The following CRTC3 variants were observed in gnomAD, a reference collection of about 807,000 sequenced individuals.
CRTC3 encodes the protein CREB regulated transcription coactivator 3, also known as CREB-regulated transcription coactivator 3.
In CRTC3, 26 loss-of-function variants were observed where a neutral mutation model predicts 74.5. The observed-to-expected ratio is 0.35, with a 90% CI of 0.26 to 0.48. The LOEUF is 0.48. Ranked by LOEUF, CRTC3 falls within the 20% of genes least tolerant of loss-of-function variation. CRTC3 has a pLI of 0.99. For synonymous variants in CRTC3, 377 were observed against 325.8 expected (o/e 1.16, Z -1.69); for missense variants, 760 against 787.3 (o/e 0.97, Z 0.41).
At chr15:90,567,958 A>G (rs1967165021) in intron 2 of CRTC3, among the ~76,000 whole-genome samples, 1 of 152,240 alleles carries the variant, frequency 6.6e-6, no homozygotes, top group South Asian at 2.1e-4. Context: ...CCTTCTGGAA[A>G]GGGTTCACTC....
chr15:90,563,697 G>C (rs1384945750), intron 2 of CRTC3, among the ~76,000 whole-genome samples: 1 of 152,064 alleles, frequency 6.6e-6, no homozygotes, highest in South Asian at 2.1e-4. Context: ...TTAGCCAACC[G>C]AGAGCAAGAA....
chr15:90,546,713 C>A (rs7494813), intron 2 of CRTC3, among the ~76,000 whole-genome samples: 18 of 152,112 alleles, frequency 1.2e-4, no homozygotes, highest in Non-Finnish European at 2.1e-4. Context: ...AGCTCTGCCC[C>A]CTGGGTTCAT....
In CRTC3 at chr15:90,617,841, C is replaced by T. The variant is rs575049896; in HGVS notation, c.614-42C>T. 5.4e-5 allele frequency: 74 copies of T among 1,381,660 alleles called. No homozygotes were observed. In the South Asian group the frequency reaches 7.3e-4, roughly 14 times the overall value. The allele number at this position is 1,381,660 out of a possible 1,614,324, so 85.6% of individuals were successfully genotyped here. On this transcript the variant is annotated intron_variant, in intron 7 of 14. Transcript: ENST00000268184. ...CCACCGTGCCCGGCCTGGATTCCTG[C>T]CTTCTCATGCAATGACTGTGCTGCT...
intron 2 of CRTC3, among the ~76,000 whole-genome samples, chr15:90,549,603 C>A (rs1464961914): frequency 6.6e-6 from 1 of 151,988 alleles, no homozygotes; most frequent in East Asian, 1.9e-4. Context: ...TAGAAGAATG[C>A]CTTCACTTTG....
At chr15:90,564,272 G>A (rs1368214886) in intron 2 of CRTC3, among the ~76,000 whole-genome samples, 1 of 152,186 alleles carries the variant, frequency 6.6e-6, no homozygotes, top group African/African-American at 2.4e-5. Context: ...TGCAGAAGTT[G>A]AAACCTGTTG....
Position 90,614,433 on chromosome 15 carries a change from T to C in CRTC3, c.578-20T>C, listed in dbSNP as rs1330013346. ...ACCACATAAAAGTGTTTTCTTTTTTTCTTTTTCCTTTCCCGCTAGGTTTCT... is the reference window on the plus strand; with the variant it reads ...ACCACATAAAAGTGTTTTCTTTTTTCCTTTTTCCTTTCCCGCTAGGTTTCT... On this transcript the variant is annotated intron_variant, in intron 6 of 14. Transcript: ENST00000268184. 6.3e-7 allele frequency: 1 copy of C among 1,593,280 alleles called. No individual in the cohort carries two copies. Among genetic ancestry groups the C allele is most frequent in the East Asian group, 2.2e-5 (1 of 44,750 alleles).
chr15:90,620,526 C>T (rs1373319193), intron 9 of CRTC3, among the ~76,000 whole-genome samples: 1 of 151,956 alleles, frequency 6.6e-6, no homozygotes, highest in Non-Finnish European at 1.5e-5. Flanking sequence ...ATAATGAGGC[C>T]CTTGCCTTAA....
chr15:90,561,286 A>ATC (rs1335517184), intron 2 of CRTC3, among the ~76,000 whole-genome samples: 2 of 152,154 alleles, frequency 1.3e-5, no homozygotes, highest in African/African-American at 4.8e-5. Flanking sequence ...TGTTGGTACC[A>ATC]TTTGCCTCTT....
At position 90,622,579 on chromosome 15, in the gene CRTC3, A is replaced by G. The variant is rs1174198688; in HGVS notation, c.749+2789A>G. Reference sequence around the variant, plus strand: ...CTAAGACAAAATTCAGGCTGGGCGCAGTGGCTCATGCCTGTAATCGCAGCA... The same window carrying G: ...CTAAGACAAAATTCAGGCTGGGCGCGGTGGCTCATGCCTGTAATCGCAGCA... On this transcript the variant is annotated intron_variant, in intron 9 of 14. Transcript: ENST00000268184. Among the ~76,000 whole-genome samples the G allele has an allele frequency of 1.1e-4, 17 of 152,294 alleles. No homozygotes were observed. In the East Asian group the frequency reaches 3.3e-3, roughly 29 times the overall value.
intron 2 of CRTC3, among the ~76,000 whole-genome samples, chr15:90,559,767 G>A (rs1171580567): frequency 2.6e-5 from 4 of 152,118 alleles, no homozygotes; most frequent in East Asian, 3.9e-4. Flanking sequence ...TGGCACCACC[G>A]GCGCATGCCA....
intron 2 of CRTC3, among the ~76,000 whole-genome samples, chr15:90,545,632 A>G (rs1455069110): frequency 6.6e-5 from 10 of 151,650 alleles, no homozygotes; most frequent in Non-Finnish European, 1.2e-4. Flanking sequence ...GCTGGAGTGC[A>G]GTGGCACGAT....
intron 2 of CRTC3, among the ~76,000 whole-genome samples, chr15:90,589,318 G>A (rs986125536): frequency 6.6e-6 from 1 of 151,296 alleles, no homozygotes; most frequent in South Asian, 2.1e-4. Flanking sequence ...GCCTCCCAAA[G>A]TGCTGGGATT....
At chr15:90,634,197 C>T (rs769756339) in intron 11 of CRTC3, among the ~76,000 whole-genome samples, 28 of 151,030 alleles carry the variant, frequency 1.9e-4, no homozygotes, top group African/African-American at 4.6e-4. Flanking sequence ...TTGTAACCTC[C>T]GCCATCCAGG....
Position 90,541,660 on chromosome 15 carries a change from G to A in CRTC3, c.231+1523G>A, listed in dbSNP as rs560114914. ...AGCATTGTGCAAGTTTGCTGTGTCT[G>A]AGATCCCAATTTTGTGCTACTTTAT... On this transcript the variant is annotated intron_variant, in intron 2 of 14. Transcript: ENST00000268184. Among the ~76,000 whole-genome samples the A allele has an allele frequency of 4.6e-5, 7 of 152,182 alleles. No homozygotes were observed. In the South Asian group the frequency reaches 1.5e-3, roughly 32 times the overall value.
At chr15:90,606,083 C>T (rs1245268452) in intron 5 of CRTC3, among the ~76,000 whole-genome samples, 2 of 151,850 alleles carry the variant, frequency 1.3e-5, no homozygotes, top group South Asian at 4.2e-4. Flanking sequence ...TGGTGAAACA[C>T]CGTCTCTACT....
intron 7 of CRTC3, among the ~76,000 whole-genome samples, chr15:90,615,630 G>A (rs890999479): frequency 3.9e-5 from 6 of 152,146 alleles, no homozygotes; most frequent in Non-Finnish European, 7.4e-5. Flanking sequence ...TCAGTGCTTC[G>A]AAGAATTCCC....
rs188320952 is a variant in CRTC3, at chr15:90,641,886, C to G, written c.1652-46C>G. 2.6e-4 allele frequency: 400 copies of G among 1,561,282 alleles called. 1 individual carries two copies. The African/African-American group carries it at 4.9e-3, about 19-fold the overall frequency. On this transcript the variant is annotated intron_variant, in intron 14 of 14. Coordinates refer to ENST00000268184, the MANE Select transcript of CRTC3 (RefSeq NM_022769.5). ...GGTTTGCTTAGTAGCCTGGAGCCTTCGCGCCTCCTAACCGCACTGTTTTCC... is the reference window on the plus strand; with the variant it reads ...GGTTTGCTTAGTAGCCTGGAGCCTTGGCGCCTCCTAACCGCACTGTTTTCC...
intron 2 of CRTC3, among the ~76,000 whole-genome samples, chr15:90,575,331 A>G (rs1195779761): frequency 6.6e-6 from 1 of 152,250 alleles, no homozygotes; most frequent in Non-Finnish European, 1.5e-5. Context: ...AGACTGGGCT[A>G]GAAGGATGAA....
chr15:90,541,782 C>CTTTTTTTTTTTTTTTTT lies in CRTC3; in HGVS notation c.231+1652_231+1653insTTTTTTTTTTTTTTTTT, dbSNP rs11426969. Among the ~76,000 whole-genome samples the CTTTTTTTTTTTTTTTTT allele has an allele frequency of 3.3e-5, 4 of 120,100 alleles. 2 individuals carry two copies. Among genetic ancestry groups the CTTTTTTTTTTTTTTTTT allele is most frequent in the Non-Finnish European group, 3.4e-5 (2 of 59,358 alleles). 78.8% of individuals were successfully genotyped at this position (120,100 alleles called of 152,430 possible). Reference sequence around the variant, plus strand: ...GATAATCCTTGGCCTTCCCAGGATTCTTTTTTTCTTTTTTTTTTTTTGAGA... The same window carrying CTTTTTTTTTTTTTTTTT: ...GATAATCCTTGGCCTTCCCAGGATTCTTTTTTTTTTTTTTTTTTTTTTTTCTTTTTTTTTTTTTGAGA... On this transcript the variant is annotated intron_variant, in intron 2 of 14. Coordinates refer to ENST00000268184, the MANE Select transcript of CRTC3 (RefSeq NM_022769.5).
Sources: allele counts gnomAD v4.1 joint callset (sites outside exome capture counted in the v4.1 genomes callset), GRCh38; gene constraint gnomAD v4.1.1; transcripts MANE v1.5; gene names NCBI Gene and HGNC (gene_info 2026-07-23, HGNC 2026-07-21).